The following MDC1 variants were observed in gnomAD, a reference collection of about 807,000 sequenced individuals.
The protein encoded by MDC1 is mediator of DNA damage checkpoint protein 1.
Under a neutral mutation model 142.5 loss-of-function variants are expected in MDC1, and 81 were observed. The observed-to-expected ratio is 0.57, with a 90% CI of 0.47 to 0.68. The LOEUF (loss-of-function observed/expected upper bound fraction) is 0.68. Ranked by LOEUF, MDC1 falls within the 30% of genes least tolerant of loss-of-function variation. The pLI is 0.00. For missense variants in MDC1, 2,119 were observed against 2,547.9 expected (o/e 0.83, Z 3.62); for synonymous variants, 797 against 968.4 (o/e 0.82, Z 3.29).
Position 30,703,351 on chromosome 6 carries a change from C to T in MDC1, c.5683-65G>A. ...GCCATCAGCACCCATCTCTACAATC[C>T]TCTAGGTCTCCTTGCATCCTCCCCT... On this transcript the variant is annotated intron_variant, in intron 11 of 14. Coordinates refer to ENST00000376406, the MANE Select transcript of MDC1 (RefSeq NM_014641.3). This position sits in a 1 kb window ranked among gnomAD's most constrained non-coding sequence, Gnocchi z 4.4. 2.5e-6 allele frequency: 4 copies of T among 1,612,664 alleles called. No individual in the cohort carries two copies. Among genetic ancestry groups the T allele is most frequent in the South Asian group, 1.1e-5 (1 of 91,022 alleles).
At chr6:30,708,604 A>G (rs553346555) in intron 7 of MDC1, among the ~76,000 whole-genome samples, 1 of 152,268 alleles carries the variant, frequency 6.6e-6, no homozygotes, top group South Asian at 2.1e-4. Context: ...ATGTAATCCC[A>G]GGACTTTGGG....
Position 30,713,082 on chromosome 6 carries a change from A to T in MDC1, c.860T>A (p.Val287Glu). 2 of 1,612,838 alleles carry T rather than the reference A, an allele frequency of 1.2e-6. No homozygotes were observed. The highest frequency in any genetic ancestry group is 8.5e-7 in the Non-Finnish European group (1 of 1,179,940). The change falls in exon 5 of 15, where the codon GTG becomes GAG. Residue 287 changes from valine (V) to glutamate (E), a missense_variant. Transcript: ENST00000376406. The surrounding 1 kb of genome is among the most constrained non-coding windows in gnomAD (Gnocchi z 4.9). ...AGGAGGTTGGCTCCTCTCCAGAATC[A>T]CCCCAGCTGGAACCACCCCATTCCC... ...GAGNGVVPAG[V>E]ILERSQPPGE...
chr6:30,703,249 C>G lies in MDC1; in HGVS notation c.5720G>C (p.Arg1907Pro), dbSNP rs760820577. 3 of 1,612,914 alleles carry G rather than the reference C, an allele frequency of 1.9e-6. No individual in the cohort carries two copies. The highest frequency in any genetic ancestry group is 2.5e-6 in the Non-Finnish European group (3 of 1,179,914). Residue 1907 changes from arginine to proline, a missense_variant, in exon 12 of 15, where the codon CGG becomes CCG. Arg to Pro is a moderately radical substitution (Grantham distance 103). Transcript: ENST00000376406. The surrounding 1 kb of genome is among the most constrained non-coding windows in gnomAD (Gnocchi z 4.4). ...ACTTCCCCCCAGTGCCAGCACAGCC[C>G]GCTCTCCCCGAGCATCCACCACTCC... ...FTGVVDARGERAVLALGGSLA... is the reference protein window; with the variant it reads ...FTGVVDARGEPAVLALGGSLA...
chr6:30,712,519 T>A lies in MDC1; in HGVS notation c.1423A>T (p.Thr475Ser), dbSNP rs28600312. Residue 475 changes from threonine to serine, a missense_variant, in exon 5 of 15, where the codon ACA becomes TCA. Thr to Ser is a moderately conservative substitution (Grantham distance 58). Coordinates refer to ENST00000376406, the MANE Select transcript of MDC1 (RefSeq NM_014641.3). This position sits in a 1 kb window ranked among gnomAD's most constrained non-coding sequence, Gnocchi z 4.7. ...ENREAVLKDH[T>S]KIRALVRAHS... ...GCTCTAACAAGGGCTCTAATCTTTG[T>A]GTGATCCTTGAGGACAGCTTCTCTA... The A allele has an allele frequency of 4.3e-6, 7 of 1,612,962 alleles. No individual in the cohort carries two copies. The highest frequency in any genetic ancestry group is 5.9e-6 in the Non-Finnish European group (7 of 1,180,028).
In MDC1 at chr6:30,704,525, G is replaced by T. The variant is rs765300348; in HGVS notation, c.4658C>A (p.Ser1553Tyr). 1 of 1,611,918 alleles carries T rather than the reference G, an allele frequency of 6.2e-7. No individual in the cohort carries two copies. Among genetic ancestry groups the T allele is most frequent in the Non-Finnish European group, 8.5e-7 (1 of 1,179,022 alleles). The part of the protein sequence containing the change: ...TDQPVTPEPT[S>Y]RATRGRTNRS... ...ATTTGTCCTGCCCCTAGTGGCCCGAGATGTGGGCTCAGGGGTGACAGGTTG... is the reference window on the plus strand; with the variant it reads ...ATTTGTCCTGCCCCTAGTGGCCCGATATGTGGGCTCAGGGGTGACAGGTTG... The change falls in exon 10 of 15, where the codon TCT becomes TAT. Residue 1553 changes from serine to tyrosine, a missense_variant. Physicochemically the swap from Ser to Tyr is moderately radical, Grantham distance 144. Coordinates refer to ENST00000376406, the MANE Select transcript of MDC1 (RefSeq NM_014641.3).
chr6:30,704,646 G>A lies in MDC1; in HGVS notation c.4537C>T (p.Arg1513Trp), dbSNP rs370120921. 180 of 1,610,398 alleles carry A rather than the reference G, an allele frequency of 1.1e-4. No homozygotes were observed. Among genetic ancestry groups the A allele is most frequent in the Non-Finnish European group, 6.9e-5 (81 of 1,178,398 alleles). Reference sequence around the variant, plus strand: ...CGATTTTTTCTTCCCCTAGTGGTCCGAGATGTGGGCTCAGAGGTGACAGGC... The same window carrying A: ...CGATTTTTTCTTCCCCTAGTGGTCCAAGATGTGGGCTCAGAGGTGACAGGC... ...DQPVTSEPTS[R>W]TTRGRKNRSS... The change falls in exon 10 of 15, where the codon CGG (arginine) becomes TGG (tryptophan). Residue 1513 changes from arginine to tryptophan, a missense_variant. Transcript: ENST00000376406.
rs1411864119 is a variant in MDC1 at position 30,705,187 on chromosome 6, G to T, written c.3996C>A (p.Leu1332=). ...PETVVPTAPE[L]QISTSTDQPV... ...GTTGGTCTGTGGAGGTGGAAATCTG[G>T]AGCTCAGGGGCTGTGGGGACAACTG... Residue 1332 remains leucine (L), a synonymous_variant, in exon 10 of 15, where the codon CTC becomes CTA. Coordinates refer to ENST00000376406, the MANE Select transcript of MDC1 (RefSeq NM_014641.3). 1 of 1,592,410 alleles carries T rather than the reference G, an allele frequency of 6.3e-7. No individual in the cohort carries two copies.
Position 30,703,326 on chromosome 6 carries a change from GC to G in MDC1, c.5683-41del, listed in dbSNP as rs774298619. ...ACCTGAGGTGGTTACGGCAACCCAT[GC>G]CATCAGCACCCATCTCTACAATCCT... On this transcript the variant is annotated intron_variant, in intron 11 of 14. Transcript: ENST00000376406. The surrounding 1 kb of genome is among the most constrained non-coding windows in gnomAD (Gnocchi z 4.4). 1.1e-5 allele frequency: 17 copies of G among 1,608,870 alleles called. No individual in the cohort carries two copies. The Admixed American group carries it at 2.8e-4, about 27-fold the overall frequency.
At chr6:30,714,768 G>A (rs1313896607) in intron 2 of MDC1, among the ~76,000 whole-genome samples, 1 of 151,938 alleles carries the variant, frequency 6.6e-6, no homozygotes, top group African/African-American at 2.4e-5. Flanking sequence ...CTTCTGCCTT[G>A]GCCTCTCAAA....
At chr6:30,711,374 A>G in intron 7 of MDC1, 38 bp downstream of exon 7, 1 of 1,550,292 alleles carries the variant, frequency 6.5e-7, no homozygotes, top group Non-Finnish European at 8.9e-7. Context: ...AAGAGAATGC[A>G]GAATTGGGGA....
Position 30,708,264 on chromosome 6 carries a change from A to G in MDC1, c.2315T>C (p.Leu772Pro), listed in dbSNP as rs757593728. The G allele has an allele frequency of 1.2e-6, 2 of 1,612,996 alleles. No homozygotes were observed. The highest frequency in any genetic ancestry group is 8.5e-7 in the Non-Finnish European group (1 of 1,180,030). Residue 772 changes from leucine to proline, a missense_variant, in exon 8 of 15, where the codon CTT (leucine) becomes CCT (proline). Physicochemically the swap from Leu to Pro is moderately conservative, Grantham distance 98. Transcript: ENST00000376406. ...AGACAGGCAAGGTCCATAGGCCTCA[A>G]GGTGCGTGTCAAAAGGCTGGGTCTC... ...DSETQPFDTH[L>P]EAYGPCLSPP...
intron 14 of MDC1, 119 bp from the exon 15 acceptor site, chr6:30,700,751 A>T: frequency 1.0e-6 from 1 of 986,104 alleles, no homozygotes; most frequent in South Asian, 1.5e-5. Context: ...AGCCAAGTGA[A>T]GCACACCGCA....
rs1356388635 is a variant in MDC1 at position 30,713,600 on chromosome 6, G to A, written c.587+48C>T. 1 of 1,559,296 alleles carries A rather than the reference G, an allele frequency of 6.4e-7. No individual in the cohort carries two copies. Among genetic ancestry groups the A allele is most frequent in the African/African-American group, 1.4e-5 (1 of 73,512 alleles). On this transcript the variant is annotated intron_variant, in intron 4 of 14. Transcript: ENST00000376406. The surrounding 1 kb of genome is among the most constrained non-coding windows in gnomAD (Gnocchi z 4.9). ...TTAGAGATTGATCCTCCAGCCCCTGGTTCTTCCTCATTTTGAAGACTCAGG... is the reference window on the plus strand; with the variant it reads ...TTAGAGATTGATCCTCCAGCCCCTGATTCTTCCTCATTTTGAAGACTCAGG...
At chr6:30,702,525 A>G (rs774056547) in intron 14 of MDC1, 28 bp downstream of exon 14, 1 of 1,495,736 alleles carries the variant, frequency 6.7e-7, no homozygotes, top group African/African-American at 1.4e-5. Flanking sequence ...CTGCCACCTC[A>G]CCCAGACCCA....
intron 9 of MDC1, among the ~76,000 whole-genome samples, chr6:30,706,404 A>T (rs1297356206): frequency 6.6e-6 from 1 of 151,598 alleles, no homozygotes; most frequent in African/African-American, 2.4e-5. Context: ...GGTGGATCAC[A>T]AGGTCAGGAA....
Position 30,715,200 on chromosome 6 carries a change from A to C in MDC1, c.-3-22T>G. 6.2e-7 allele frequency: 1 copy of C among 1,613,848 alleles called. No homozygotes were observed. Among genetic ancestry groups the C allele is most frequent in the East Asian group, 2.2e-5 (1 of 44,882 alleles). On this transcript the variant is annotated intron_variant, in intron 1 of 14. Transcript: ENST00000376406. The surrounding 1 kb of genome is among the most constrained non-coding windows in gnomAD (Gnocchi z 4.1). ...TGATCTGGGAAGGATACACATTATC[A>C]ATTATCCTCATTATTGGTTCACACA...
At position 30,705,344 on chromosome 6, in the gene MDC1, G is replaced by A. The variant is rs1377196178; in HGVS notation, c.3839C>T (p.Thr1280Ile). 4 of 1,603,914 alleles carry A rather than the reference G, an allele frequency of 2.5e-6. No individual in the cohort carries two copies. Among genetic ancestry groups the A allele is most frequent in the East Asian group, 2.3e-5 (1 of 43,392 alleles). ...GGCTGTGGGCACAACTGGTTCAGGG[G>A]TCTTGACAGAGGATCTATTTTTTCT... ...RGRKNRSSVK[T>I]PEPVVPTAPE... Residue 1280 changes from threonine to isoleucine, a missense_variant, in exon 10 of 15, where the codon ACC (threonine) becomes ATC (isoleucine). Transcript: ENST00000376406.
Position 30,715,050 on chromosome 6 carries a change from TC to T in MDC1, c.125del (p.Gly42AspfsTer15). 6.2e-7 allele frequency: 1 copy of T among 1,614,170 alleles called. No homozygotes were observed. The highest frequency in any genetic ancestry group is 8.5e-7 in the Non-Finnish European group (1 of 1,180,032). Reference protein sequence around the residue: ...GRLHIFSGAHGPEKDFPLHLG... With the variant: ...GRLHIFSGAHXPEKDFPLHLG... ...CCAATACCCTCTGACCTTTTTCTGGTCCATGGGCACCACTAAAGATATGTAG... is the reference window on the plus strand; with the variant it reads ...CCAATACCCTCTGACCTTTTTCTGGTCATGGGCACCACTAAAGATATGTAG... On this transcript the variant is annotated frameshift_variant, in exon 2 of 15. Coordinates refer to ENST00000376406, the MANE Select transcript of MDC1 (RefSeq NM_014641.3). LOFTEE classifies it high-confidence loss of function. This position sits in a 1 kb window ranked among gnomAD's most constrained non-coding sequence, Gnocchi z 4.1.
Position 30,705,752 on chromosome 6 carries a change from T to G in MDC1, c.3431A>C (p.Gln1144Pro), listed in dbSNP as rs764848037. The change falls in exon 10 of 15, where the codon CAG (glutamine) becomes CCG (proline). Residue 1144 changes from glutamine (Q) to proline (P), a missense_variant. Physicochemically the swap from Gln to Pro is moderately conservative, Grantham distance 76. Coordinates refer to ENST00000376406, the MANE Select transcript of MDC1 (RefSeq NM_014641.3). ...CCTATTTGTCCTGCTCCTAGTGGCCTGAGATGTGGGCTTGGGAGTGACTGG... is the reference window on the plus strand; with the variant it reads ...CCTATTTGTCCTGCTCCTAGTGGCCGGAGATGTGGGCTTGGGAGTGACTGG... Reference protein sequence around the residue: ...AQPVTPKPTSQATRSRTNRSS... With the variant: ...AQPVTPKPTSPATRSRTNRSS... 7.4e-6 allele frequency: 12 copies of G among 1,612,382 alleles called. No individual in the cohort carries two copies. Among genetic ancestry groups the G allele is most frequent in the Non-Finnish European group, 9.3e-6 (11 of 1,179,182 alleles).
Sources: gnomAD v4.1 joint callset for allele counts (sites outside exome capture counted in the v4.1 genomes callset) on GRCh38, gnomAD v4.1.1 for gene constraint, Gnocchi (gnomAD v3.1) non-coding constraint, MANE v1.5 for transcripts, NCBI Gene and HGNC (gene_info 2026-07-23, HGNC 2026-07-21) for gene names.